THSD7A: variants seen among roughly 807,000 people sequenced by gnomAD.
THSD7A encodes the protein thrombospondin type 1 domain containing 7A, also known as thrombospondin type-1 domain-containing protein 7A.
THSD7A carries 96 observed loss-of-function variants against 231.3 expected under a neutral mutation model. That is an observed-to-expected ratio of 0.41 (90% CI 0.35 to 0.49). The LOEUF (loss-of-function observed/expected upper bound fraction) is 0.49. Among genes scored for constraint, THSD7A ranks in the 20% least tolerant of loss-of-function variants. The pLI, the probability that THSD7A is intolerant of heterozygous loss-of-function variation, is 0.05. For synonymous variants in THSD7A, 940 were observed against 743.3 expected (o/e 1.26, Z -4.30); for missense variants, 2,290 against 2,070.2 (o/e 1.11, Z -2.06).
At chr7:11,398,304 C>T (rs1783268766) in intron 23 of THSD7A, among the ~76,000 whole-genome samples, 3 of 152,078 alleles carry the variant, frequency 2.0e-5, no homozygotes, top group Admixed American at 2.0e-4. Flanking sequence ...CCAAACACTG[C>T]ACGTTCTCAT....
At chr7:11,564,207 T>C (rs1023419440) in intron 4 of THSD7A, among the ~76,000 whole-genome samples, 1 of 152,232 alleles carries the variant, frequency 6.6e-6, no homozygotes, top group South Asian at 2.1e-4. Context: ...AGCATTCCTT[T>C]TTCTTTTCTC....
chr7:11,648,496 A>T lies in THSD7A; in HGVS notation c.191-11535T>A, dbSNP rs549905239. Among the ~76,000 whole-genome samples the T allele has an allele frequency of 4.1e-4, 62 of 151,856 alleles. No individual in the cohort carries two copies. The South Asian group carries it at 0.012, about 29-fold the overall frequency. On this transcript the variant is annotated intron_variant, in intron 1 of 27. Transcript: ENST00000423059. The stretch of plus-strand genomic sequence containing the variant: ...ATGCTCCGTTTCTGTTGTACATTGG[A>T]TTTTAGCTATGTCTTACCAAATACT...
rs756713583 is a variant in THSD7A at position 11,636,184 on chromosome 7, T to C, written c.968A>G (p.Tyr323Cys). 6.2e-7 allele frequency: 1 copy of C among 1,614,032 alleles called. No homozygotes were observed. Among genetic ancestry groups the C allele is most frequent in the Non-Finnish European group, 8.5e-7 (1 of 1,179,890 alleles). ...AATGCACATAACCTCTCTGGTCTGATATCCAATCTGGATGTCCCAATATTT... is the reference window on the plus strand; with the variant it reads ...AATGCACATAACCTCTCTGGTCTGACATCCAATCTGGATGTCCCAATATTT... ...ENKYWDIQIG[Y>C]QTREVMCINK... Residue 323 changes from tyrosine (Y) to cysteine (C), a missense_variant, in exon 2 of 28, where the codon TAT becomes TGT. Transcript: ENST00000423059. The surrounding 1 kb of genome is among the most constrained non-coding windows in gnomAD (Gnocchi z 10.0).
chr7:11,573,435 C>T (rs1021563170), intron 4 of THSD7A, among the ~76,000 whole-genome samples: 1 of 152,222 alleles, frequency 6.6e-6, no homozygotes, highest in African/African-American at 2.4e-5. Flanking sequence ...CTACACCTGA[C>T]ACTATTCTTG....
chr7:11,552,412 T>A (rs980589604), intron 4 of THSD7A, among the ~76,000 whole-genome samples: 2 of 152,106 alleles, frequency 1.3e-5, no homozygotes, highest in Admixed American at 6.6e-5. Context: ...TGGCCGTTTT[T>A]TAAAAAATAA....
chr7:11,593,892 G>A (rs747819373), intron 2 of THSD7A, among the ~76,000 whole-genome samples: 4 of 152,124 alleles, frequency 2.6e-5, no homozygotes, highest in Non-Finnish European at 5.9e-5. Context: ...ATATGCCTGC[G>A]TAAGTGTGAT....
At chr7:11,375,945 C>A (rs527243897) in intron 27 of THSD7A, 67 bp from the exon 28 acceptor site, 1 of 1,499,822 alleles carries the variant, frequency 6.7e-7, no homozygotes. Context: ...TTGCTTTAAG[C>A]GAAAAAAAAG....
At chr7:11,591,921 G>A (rs1438692765) in intron 3 of THSD7A, among the ~76,000 whole-genome samples, 2 of 152,150 alleles carry the variant, frequency 1.3e-5, no homozygotes, top group East Asian at 3.9e-4. Flanking sequence ...ATTTAGATTG[G>A]TTACACATTC....
At position 11,482,726 on chromosome 7, in the gene THSD7A, C is replaced by A. The variant is rs1225666699; in HGVS notation, c.1823-744G>T. Among the ~76,000 whole-genome samples, 2 of 152,164 alleles carry A rather than the reference C, an allele frequency of 1.3e-5. 1 individual carries two copies. Among genetic ancestry groups the A allele is most frequent in the South Asian group, 4.1e-4 (2 of 4,828 alleles). On this transcript the variant is annotated intron_variant, in intron 6 of 27. Coordinates refer to ENST00000423059, the MANE Select transcript of THSD7A (RefSeq NM_015204.3). ...TTACAAGACCTCGACCTCAAATGAC[C>A]TCGCTGTGTTTCTCTTCCTAGCCTC...
chr7:11,552,167 A>AGGCCTACCTCAGGGCCTACCTGAG (rs1356262234), intron 4 of THSD7A, among the ~76,000 whole-genome samples: 1 of 151,998 alleles, frequency 6.6e-6, no homozygotes, highest in Non-Finnish European at 1.5e-5. Context: ...TGAGGGTGTA[A>AGGCCTACCTCAGGGCCTACCTGAG]GGTGGGAAGA....
At chr7:11,704,153 TACA>T (rs1297685033) in intron 1 of THSD7A, among the ~76,000 whole-genome samples, 2 of 151,052 alleles carry the variant, frequency 1.3e-5, no homozygotes, top group Non-Finnish European at 3.0e-5. Context: ...AGTTTCTACC[TACA>T]ACAAGTTATT....
Position 11,444,955 on chromosome 7 carries a change from GTA to G in THSD7A, c.3064+1104_3064+1105del, listed in dbSNP as rs1168795766. ...ATATATAGAATGAAACTATATATAT[GTA>G]TATATATATTAAATGAAACTTCTTT... On this transcript the variant is annotated intron_variant, in intron 13 of 27. Coordinates refer to ENST00000423059, the MANE Select transcript of THSD7A (RefSeq NM_015204.3). This position sits in a 1 kb window ranked among gnomAD's most constrained non-coding sequence, Gnocchi z 4.2. 1.4e-5 allele frequency among the ~76,000 whole-genome samples: 2 copies of G among 147,648 alleles called. No homozygotes were observed. Among genetic ancestry groups the G allele is most frequent in the Non-Finnish European group, 3.0e-5 (2 of 67,160 alleles).
At chr7:11,647,825 G>C (rs1782340277) in intron 1 of THSD7A, among the ~76,000 whole-genome samples, 1 of 152,056 alleles carries the variant, frequency 6.6e-6, no homozygotes, top group Non-Finnish European at 1.5e-5. Flanking sequence ...AATTGTAGTA[G>C]TTTGACCAGC....
intron 4 of THSD7A, among the ~76,000 whole-genome samples, chr7:11,583,516 T>C (rs1429044700): frequency 3.3e-5 from 5 of 152,116 alleles, no homozygotes; most frequent in African/African-American, 1.2e-4. Context: ...ACTCAAGTTA[T>C]CCACCCGCCT....
chr7:11,691,580 T>G (rs1171598303), intron 1 of THSD7A, among the ~76,000 whole-genome samples: 1 of 151,460 alleles, frequency 6.6e-6, no homozygotes, highest in Admixed American at 6.6e-5. Context: ...TAATTCTCTA[T>G]CTTATAATAT....
intron 6 of THSD7A, among the ~76,000 whole-genome samples, chr7:11,491,202 G>T (rs1417740157): frequency 2.0e-5 from 3 of 152,046 alleles, no homozygotes; most frequent in Non-Finnish European, 4.4e-5. Context: ...AAGGTTGCGA[G>T]GAAATCCAGA....
intron 2 of THSD7A, among the ~76,000 whole-genome samples, chr7:11,605,687 A>G (rs1417830985): frequency 6.6e-6 from 1 of 152,152 alleles, no homozygotes; most frequent in Non-Finnish European, 1.5e-5. Flanking sequence ...TATCACACAG[A>G]TAGAATTTAT....
chr7:11,645,798 T>C (rs753936352), intron 1 of THSD7A, among the ~76,000 whole-genome samples: 2 of 151,816 alleles, frequency 1.3e-5, no homozygotes, highest in Non-Finnish European at 2.9e-5. Context: ...ATATAAAAAA[T>C]AAACAAGATT....
Position 11,447,441 on chromosome 7 carries a change from A to G in THSD7A, c.2606-17T>C, listed in dbSNP as rs1785008137. The G allele has an allele frequency of 2.6e-6, 4 of 1,510,072 alleles. No homozygotes were observed. In the African/African-American group the frequency reaches 5.6e-5, roughly 21 times the overall value. 93.5% of individuals were successfully genotyped at this position (1,510,072 alleles called of 1,614,324 possible). A position where few individuals can be genotyped will look rare whatever the true frequency, so the allele number is the denominator to read the frequency against. On this transcript the variant is annotated splice_polypyrimidine_tract_variant and intron_variant, in intron 11 of 27. Transcript: ENST00000423059. ...AAGTAATGGCTAAAAGAAAAGCATAAAGCTGTTATAACAAATTCAAACGTC... is the reference window on the plus strand; with the variant it reads ...AAGTAATGGCTAAAAGAAAAGCATAGAGCTGTTATAACAAATTCAAACGTC...
Sources: allele counts gnomAD v4.1 joint callset (sites outside exome capture counted in the v4.1 genomes callset), GRCh38; gene constraint gnomAD v4.1.1; non-coding constraint Gnocchi (gnomAD v3.1); transcripts MANE v1.5; gene names NCBI Gene and HGNC (gene_info 2026-07-23, HGNC 2026-07-21).